The following FNTB variants were observed in gnomAD, a reference collection of about 807,000 sequenced individuals.
FNTB encodes protein farnesyltransferase subunit beta.
Under a neutral mutation model 59.4 loss-of-function variants are expected in FNTB, and 27 were observed. The ratio of observed to expected loss-of-function variants is 0.45; its 90% CI spans 0.34 to 0.63. FNTB has a LOEUF of 0.63. Among genes scored for constraint, FNTB ranks in the 20% least tolerant of loss-of-function variants. FNTB has a pLI of 0.02. For synonymous variants in FNTB, 230 were observed against 220.7 expected (o/e 1.04, Z -0.37); for missense variants, 449 against 559.6 (o/e 0.80, Z 1.99).
At position 65,061,791 on chromosome 14, in the gene FNTB, G is replaced by A. The variant is rs2062869616; in HGVS notation, c.*479G>A. On this transcript the variant is annotated 3_prime_UTR_variant, in exon 12 of 12. Transcript: ENST00000246166. ...GATGAGTTCTCTGTAAGACTGTGGT[G>A]GAGTTGCACCAGGAGGTGCCTCTGC... 6.4e-6 allele frequency: 1 copy of A among 155,426 alleles called. No individual in the cohort carries two copies. Among genetic ancestry groups the A allele is most frequent in the South Asian group, 1.9e-4 (1 of 5,142 alleles). The allele number at this position is 155,426 out of a possible 1,614,324, so 9.6% of individuals were successfully genotyped here.
Position 65,032,309 on chromosome 14 carries a change from G to T in FNTB, c.606-301G>T. The stretch of plus-strand genomic sequence containing the variant: ...ATTATAGGTCTTTGAAAGAAGAGCT[G>T]AATCCACTTTTGACATGAATTGATA... On this transcript the variant is annotated intron_variant, in intron 6 of 11. Transcript: ENST00000246166. This position sits in a 1 kb window ranked among gnomAD's most constrained non-coding sequence, Gnocchi z 5.0. The T allele has an allele frequency of 3.9e-6, 1 of 258,300 alleles. No homozygotes were observed. The highest frequency in any genetic ancestry group is 7.3e-6 in the Non-Finnish European group (1 of 136,352). 16.0% of individuals were successfully genotyped at this position (258,300 alleles called of 1,614,324 possible). A position where few individuals can be genotyped will look rare whatever the true frequency, so the allele number is the denominator to read the frequency against.
chr14:65,027,385 A>G lies in FNTB; in HGVS notation c.375-68A>G, dbSNP rs1350762141. On this transcript the variant is annotated intron_variant, in intron 4 of 11. Transcript: ENST00000246166. This position sits in a 1 kb window ranked among gnomAD's most constrained non-coding sequence, Gnocchi z 5.7. ...GGATCATTGGAAAGGCCTGGAATCT[A>G]GTGGGAATTTGGTGTTTTGACATGA... 1 of 1,589,620 alleles carries G rather than the reference A, an allele frequency of 6.3e-7. No homozygotes were observed. Among genetic ancestry groups the G allele is most frequent in the East Asian group, 2.2e-5 (1 of 44,664 alleles).
rs180959360 is a variant in FNTB, at chr14:64,991,773, G to A, written c.144+4676G>A. 2.1e-4 allele frequency among the ~76,000 whole-genome samples: 32 copies of A among 152,248 alleles called. No homozygotes were observed. The East Asian group carries it at 4.6e-3, about 22-fold the overall frequency. On this transcript the variant is annotated intron_variant, in intron 1 of 11. Transcript: ENST00000246166. This position sits in a 1 kb window ranked among gnomAD's most constrained non-coding sequence, Gnocchi z 4.4. ...GGGTGGGCTGTAAAAAATAGAGTTTGGGGCAGCCATTCAAGGAGGGAGAGC... is the reference window on the plus strand; with the variant it reads ...GGGTGGGCTGTAAAAAATAGAGTTTAGGGCAGCCATTCAAGGAGGGAGAGC...
At chr14:65,015,546 T>G in intron 3 of FNTB, 79 bp from the exon 4 acceptor site, 16 of 1,494,550 alleles carry the variant, frequency 1.1e-5, no homozygotes, top group African/African-American at 1.4e-5. Context: ...CTGCTGGGAG[T>G]GAGACAGATA....
At chr14:65,018,746 G>A (rs866145378) in intron 4 of FNTB, among the ~76,000 whole-genome samples, 1 of 149,668 alleles carries the variant, frequency 6.7e-6, no homozygotes, top group Non-Finnish European at 1.5e-5. Context: ...GGAGGTGGAC[G>A]TTGCGACGAG....
At chr14:65,045,425 G>A (rs1043890731) in intron 9 of FNTB, among the ~76,000 whole-genome samples, 3 of 15,952 alleles carry the variant, frequency 1.9e-4, no homozygotes, top group South Asian at 2.7e-3. Flanking sequence ...CCCCCTCCCC[G>A]CCGCCCCCGA....
rs1405835847 is a variant in FNTB, at chr14:65,027,591, C to T, written c.513C>T (p.Ile171=). ...CIIGTEEAYD[I]INREKLLQYL... ...TTGGCACCGAGGAGGCCTATGACAT[C>T]ATTAACAGGTACAGTGAAAGCCAGC... Residue 171 remains isoleucine, a synonymous_variant, in exon 5 of 12, where the codon ATC becomes ATT. Coordinates refer to ENST00000246166, the MANE Select transcript of FNTB (RefSeq NM_002028.4). This position sits in a 1 kb window ranked among gnomAD's most constrained non-coding sequence, Gnocchi z 5.7. The T allele has an allele frequency of 5.0e-6, 8 of 1,614,130 alleles. 1 individual carries two copies. In the South Asian group the frequency reaches 7.7e-5, roughly 16 times the overall value.
rs765160083 is a variant in FNTB at position 65,030,729 on chromosome 14, G to C, written c.606-1881G>C. ...CACTGCAGCCTGGGCAACAAAGTGAGATCCTATCTTAAAAAAAAAAAAGAA... is the reference window on the plus strand; with the variant it reads ...CACTGCAGCCTGGGCAACAAAGTGACATCCTATCTTAAAAAAAAAAAAGAA... On this transcript the variant is annotated intron_variant, in intron 6 of 11. Coordinates refer to ENST00000246166, the MANE Select transcript of FNTB (RefSeq NM_002028.4). The surrounding 1 kb of genome is among the most constrained non-coding windows in gnomAD (Gnocchi z 4.5). Among the ~76,000 whole-genome samples, 74 of 151,302 alleles carry C rather than the reference G, an allele frequency of 4.9e-4. No homozygotes were observed. The highest frequency in any genetic ancestry group is 7.5e-4 in the Non-Finnish European group (51 of 67,868).
Position 65,027,245 on chromosome 14 carries a change from C to A in FNTB, c.375-208C>A. The stretch of plus-strand genomic sequence containing the variant: ...GACCAACAAGCGCTTAAGTACGAAA[C>A]TCAGAGGAGGGCAGACAGAAATGAT... On this transcript the variant is annotated intron_variant, in intron 4 of 11. Coordinates refer to ENST00000246166, the MANE Select transcript of FNTB (RefSeq NM_002028.4). The surrounding 1 kb of genome is among the most constrained non-coding windows in gnomAD (Gnocchi z 5.7). 2.5e-6 allele frequency: 2 copies of A among 785,412 alleles called. No individual in the cohort carries two copies. Among genetic ancestry groups the A allele is most frequent in the Admixed American group, 3.1e-5 (1 of 32,260 alleles). The allele number at this position is 785,412 out of a possible 1,614,324, so 48.7% of individuals were successfully genotyped here. A position where few individuals can be genotyped will look rare whatever the true frequency, so the allele number is the denominator to read the frequency against.
At position 64,990,001 on chromosome 14, in the gene FNTB, C is replaced by A. The variant is rs1263888499; in HGVS notation, c.144+2904C>A. The stretch of plus-strand genomic sequence containing the variant: ...ACCCTCTGGTGACAACACATGTGAT[C>A]TGAGACCTGAAGTCTCAGATGAGGG... On this transcript the variant is annotated intron_variant, in intron 1 of 11. Coordinates refer to ENST00000246166, the MANE Select transcript of FNTB (RefSeq NM_002028.4). The surrounding 1 kb of genome is among the most constrained non-coding windows in gnomAD (Gnocchi z 5.2). 6.6e-6 allele frequency among the ~76,000 whole-genome samples: 1 copy of A among 152,044 alleles called. No homozygotes were observed. The highest frequency in any genetic ancestry group is 1.5e-5 in the Non-Finnish European group (1 of 68,006).
In FNTB at chr14:65,032,546, A is replaced by G. The variant is rs947202938; in HGVS notation, c.606-64A>G. 1.4e-5 allele frequency: 22 copies of G among 1,583,928 alleles called. No homozygotes were observed. In the African/African-American group the frequency reaches 2.6e-4, roughly 18 times the overall value. ...GGCAAGGCGAGCAGTCCGCCCGCGG[A>G]GTTCACTGAGCCTCATTAGCTCTTC... On this transcript the variant is annotated intron_variant, in intron 6 of 11. Transcript: ENST00000246166. This position sits in a 1 kb window ranked among gnomAD's most constrained non-coding sequence, Gnocchi z 5.0.
chr14:65,025,388 A>G (rs920954571), intron 4 of FNTB, among the ~76,000 whole-genome samples: 3 of 152,234 alleles, frequency 2.0e-5, no homozygotes, highest in Non-Finnish European at 4.4e-5. Context: ...ACCTTTTGGT[A>G]TGCTAGTGCA....
At chr14:65,020,972 C>A (rs1483798828) in intron 4 of FNTB, among the ~76,000 whole-genome samples, 2 of 152,128 alleles carry the variant, frequency 1.3e-5, no homozygotes, top group Non-Finnish European at 2.9e-5. Flanking sequence ...TCAGGTGATA[C>A]ACCTGTCTTG....
At chr14:65,042,391 C>T (rs2062373158) in intron 8 of FNTB, among the ~76,000 whole-genome samples, 1 of 152,180 alleles carries the variant, frequency 6.6e-6, no homozygotes, top group South Asian at 2.1e-4. Context: ...GACAGATCAT[C>T]AGGCATTAGA....
At chr14:65,040,080 C>T (rs2062310493) in intron 7 of FNTB, among the ~76,000 whole-genome samples, 1 of 152,060 alleles carries the variant, frequency 6.6e-6, no homozygotes, top group Non-Finnish European at 1.5e-5. Flanking sequence ...GTCCCAGCTA[C>T]TCAGGAGGCT....
chr14:65,018,877 G>C (rs1296894533), intron 4 of FNTB, among the ~76,000 whole-genome samples: 1 of 150,110 alleles, frequency 6.7e-6, no homozygotes, highest in African/African-American at 2.5e-5. Flanking sequence ...TTGGGAGAAC[G>C]AAGTGGGTGG....
intron 4 of FNTB, among the ~76,000 whole-genome samples, chr14:65,025,051 G>GTT (rs1566550532): frequency 6.6e-6 from 1 of 152,210 alleles, no homozygotes; most frequent in African/African-American, 2.4e-5. Context: ...TAAGGTGCAA[G>GTT]TTGGAAAGCC....
intron 2 of FNTB, among the ~76,000 whole-genome samples, chr14:65,008,180 G>T (rs78097680): frequency 0.013 from 1,930 of 152,316 alleles, 45 homozygotes; most frequent in African/African-American, 0.045. Flanking sequence ...TGACTAGAGA[G>T]GCCCCTGGCT....
Position 65,032,714 on chromosome 14 carries a change from T to A in FNTB, c.692+18T>A. ...ATAGCAAGGTGAGAGAAGCCAGGGT[T>A]TCTCCTGGCCTCTTGGAGAGCAGGC... On this transcript the variant is annotated intron_variant, in intron 7 of 11. Transcript: ENST00000246166. The surrounding 1 kb of genome is among the most constrained non-coding windows in gnomAD (Gnocchi z 5.0). 6.2e-7 allele frequency: 1 copy of A among 1,612,014 alleles called. No individual in the cohort carries two copies. The highest frequency in any genetic ancestry group is 1.1e-5 in the South Asian group (1 of 90,854).
Sources: allele counts gnomAD v4.1 joint callset (sites outside exome capture counted in the v4.1 genomes callset), GRCh38; gene constraint gnomAD v4.1.1; non-coding constraint Gnocchi (gnomAD v3.1); transcripts MANE v1.5; gene names NCBI Gene and HGNC (gene_info 2026-07-23, HGNC 2026-07-21).